HOXC6: variants seen among roughly 807,000 people sequenced by gnomAD.
HOXC6 encodes the protein homeobox C6.
Under a neutral mutation model 24.0 loss-of-function variants are expected in HOXC6, and 10 were observed. The ratio of observed to expected loss-of-function variants is 0.42; its 90% confidence interval spans 0.26 to 0.71. The LOEUF is 0.71. Ranked by LOEUF, HOXC6 falls within the 30% of genes least tolerant of loss-of-function variation. HOXC6 has a pLI of 0.28. For missense variants in HOXC6, 258 were observed against 303.4 expected, an observed-to-expected ratio of 0.85 and a Z score of 1.11; for synonymous variants, 123 against 128.1, an observed-to-expected ratio of 0.96 and a Z score of 0.27.
At chr12:54,027,889 T>G (rs1049006725), upstream of HOXC6, among the ~76,000 whole-genome samples, 1 of 152,154 alleles carries the variant, frequency 6.6e-6, no homozygotes, top group African/African-American at 2.4e-5. Flanking sequence ...TTATGAAATT[T>G]CTTTCTACTT....
At chr12:54,018,530 C>A (rs1466048199) in intron 1 of HOXC6, among the ~76,000 whole-genome samples, 1 of 152,232 alleles carries the variant, frequency 6.6e-6, no homozygotes, top group Admixed American at 6.5e-5. Context: ...ATAATTGGTG[C>A]TAATGGCCTG....
At chr12:54,029,062 C>G in intron 1 of HOXC6, 141 bp downstream of exon 1, 1 of 821,642 alleles carries the variant, frequency 1.2e-6, no homozygotes, top group Non-Finnish European at 1.9e-6. Flanking sequence ...ACAGGGCCCC[C>G]TCTTCTGCCC....
chr12:54,025,014 G>A (rs1940627021), upstream of HOXC6, among the ~76,000 whole-genome samples: 1 of 152,134 alleles, frequency 6.6e-6, no homozygotes, highest in African/African-American at 2.4e-5. Context: ...GTGAAAATCT[G>A]CTCTTGACAC....
Position 54,028,465 on chromosome 12 carries a change from CT to C in HOXC6, c.-56del, listed in dbSNP as rs1940829695. The C allele has an allele frequency of 6.4e-7, 1 of 1,554,734 alleles. No homozygotes were observed. Among genetic ancestry groups the C allele is most frequent in the Admixed American group, 1.8e-5 (1 of 55,446 alleles). Reference sequence around the variant, plus strand: ...ATAACCATCTAGTTCCGAGTACAAACTGGAGACAGAAATAAATATTAAAGAA... The same window carrying C: ...ATAACCATCTAGTTCCGAGTACAAACGGAGACAGAAATAAATATTAAAGAA... On this transcript the variant is annotated 5_prime_UTR_variant, in exon 1 of 2. Transcript: ENST00000243108.
At chr12:54,026,975 G>GT (rs1270257768), upstream of HOXC6, among the ~76,000 whole-genome samples, 1 of 139,188 alleles carries the variant, frequency 7.2e-6, no homozygotes, top group Admixed American at 7.2e-5. Context: ...GGGGGGGGGG[G>GT]GATATGAGCT....
In HOXC6 at chr12:54,028,597, C is replaced by T; in HGVS notation, c.76C>T (p.Leu26Phe). Reference sequence around the variant, plus strand: ...CCAGGACGTCCTCCCCAACGTCGCCCTCAATTCCACCGCCTATGATCCAGT... The same window carrying T: ...CCAGGACGTCCTCCCCAACGTCGCCTTCAATTCCACCGCCTATGATCCAGT... Reference protein sequence around the residue: ...GGQDVLPNVALNSTAYDPVRH... With the variant: ...GGQDVLPNVAFNSTAYDPVRH... The change falls in exon 1 of 2, where the codon CTC becomes TTC. Residue 26 changes from leucine to phenylalanine, a missense_variant. Transcript: ENST00000243108. The T allele has an allele frequency of 6.2e-7, 1 of 1,614,088 alleles. No homozygotes were observed. Among genetic ancestry groups the T allele is most frequent in the Non-Finnish European group, 8.5e-7 (1 of 1,179,996 alleles).
chr12:54,019,839 T>A (rs996921694), intron 1 of HOXC6: 1 of 152,038 alleles, frequency 6.6e-6, no homozygotes, highest in Non-Finnish European at 1.5e-5. Flanking sequence ...TGATTTTCTG[T>A]CCCTTCCTGG....
At chr12:54,017,406 CA>C (rs1216629581) in exon 1 of HOXC6, 1 of 152,036 alleles carries the variant, frequency 6.6e-6, no homozygotes, top group Admixed American at 6.6e-5. Flanking sequence ...AGAGTGACAG[CA>C]GCGCTCGGTA....
chr12:54,029,445 A>T (rs1483537371), intron 1 of HOXC6, among the ~76,000 whole-genome samples: 1 of 102,310 alleles, frequency 9.8e-6, no homozygotes, highest in Non-Finnish European at 1.8e-5. Context: ...TCTTTGGGAC[A>T]CACAGGTCCC....
chr12:54,026,972 G>C (rs920391689), upstream of HOXC6, among the ~76,000 whole-genome samples: 2 of 139,018 alleles, frequency 1.4e-5, no homozygotes, highest in East Asian at 2.3e-4. Flanking sequence ...GGTGGGGGGG[G>C]GGGGATATGA....
chr12:54,020,786 G>A (rs921837687), intron 1 of HOXC6: 1 of 152,092 alleles, frequency 6.6e-6, no homozygotes, highest in Non-Finnish European at 1.5e-5. Flanking sequence ...CGGAGTATGC[G>A]GGTTCCAGTA....
At chr12:54,026,007 T>A (rs567738826), upstream of HOXC6, among the ~76,000 whole-genome samples, 137 of 152,076 alleles carry the variant, frequency 9.0e-4, no homozygotes, top group African/African-American at 2.8e-3. Context: ...AAGTGAAACC[T>A]CATTAAGACA....
At chr12:54,021,060 A>AG (rs1472627211) in intron 1 of HOXC6, 1 of 152,494 alleles carries the variant, frequency 6.6e-6, no homozygotes, top group Non-Finnish European at 1.5e-5. Flanking sequence ...TGAAGGGATC[A>AG]GAGTGGTTAA....
chr12:54,023,185 C>A (rs778236023), intron 1 of HOXC6, among the ~76,000 whole-genome samples: 1 of 152,160 alleles, frequency 6.6e-6, no homozygotes, highest in Non-Finnish European at 1.5e-5. Context: ...GGCTTGGGCA[C>A]CAGCCCCCAA....
At chr12:54,028,259 ATATATATATT>A (rs200007816), upstream of HOXC6, 997 of 168,380 alleles carry the variant, frequency 5.9e-3, 5 homozygotes, top group Middle Eastern at 0.019. Flanking sequence ...ATATATATAT[ATATATATATT>A]TTTTAAAAGA....
In HOXC6 at chr12:54,019,179, C is replaced by T. The variant is rs867856836; in HGVS notation, c.-193+1765C>T. Among the ~76,000 whole-genome samples, 202 of 133,294 alleles carry T rather than the reference C, an allele frequency of 1.5e-3. 1 individual carries two copies. The highest frequency in any genetic ancestry group is 5.3e-3 in the African/African-American group (197 of 36,850). 87.4% of individuals were successfully genotyped at this position (133,294 alleles called of 152,430 possible). A position where few individuals can be genotyped will look rare whatever the true frequency, so the allele number is the denominator to read the frequency against. On this transcript the variant is annotated intron_variant, in intron 1 of 2. Transcript: ENST00000394331. Reference sequence around the variant, plus strand: ...GGCATTTTCTCTCCCCCTCCCCCACCCCCCCACCCCCAGTAGGACTTGTGT... The same window carrying T: ...GGCATTTTCTCTCCCCCTCCCCCACTCCCCCACCCCCAGTAGGACTTGTGT...
chr12:54,026,417 T>C (rs1003006112), upstream of HOXC6, among the ~76,000 whole-genome samples: 3 of 152,224 alleles, frequency 2.0e-5, no homozygotes, highest in African/African-American at 7.2e-5. Context: ...GTGTCTATGT[T>C]TGTGTACCTG....
In HOXC6 at chr12:54,028,542, C is replaced by A; in HGVS notation, c.21C>A (p.Asn7Lys). The stretch of plus-strand genomic sequence containing the variant: ...AAGGGATGAATTCCTACTTCACTAA[C>A]CCTTCCTTATCCTGCCACCTCGCCG... MNSYFT[N>K]PSLSCHLAGG... The change falls in exon 1 of 2, where the codon AAC (asparagine) becomes AAA (lysine). Residue 7 changes from asparagine (N) to lysine (K), a missense_variant. Asn to Lys is a moderately conservative substitution (Grantham distance 94). Coordinates refer to ENST00000243108, the MANE Select transcript of HOXC6 (RefSeq NM_004503.4). The A allele has an allele frequency of 3.1e-6, 5 of 1,614,098 alleles. No homozygotes were observed. Among genetic ancestry groups the A allele is most frequent in the Non-Finnish European group, 4.2e-6 (5 of 1,180,000 alleles).
chr12:54,025,235 T>G (rs1324629805), upstream of HOXC6, among the ~76,000 whole-genome samples: 3 of 152,204 alleles, frequency 2.0e-5, no homozygotes, highest in African/African-American at 7.2e-5. Flanking sequence ...CTGTTCTTGC[T>G]TCTGCTGATG....
Sources: allele counts gnomAD v4.1 joint callset (sites outside exome capture counted in the v4.1 genomes callset), GRCh38; gene constraint gnomAD v4.1.1; transcripts MANE v1.5; gene names NCBI Gene and HGNC (gene_info 2026-07-23, HGNC 2026-07-21).